The following ZNF562 variants were observed in gnomAD, a reference collection of about 807,000 sequenced individuals.
The protein encoded by ZNF562 is zinc finger protein 562.
ZNF562 carries 13 observed loss-of-function variants against 17.5 expected under a neutral mutation model. The observed-to-expected ratio is 0.74, with a 90% CI of 0.48 to 1.18. The LOEUF (loss-of-function observed/expected upper bound fraction) is 1.18, where lower values mean the gene tolerates loss of function less well. Among genes scored for constraint, ZNF562 ranks in the 50% most tolerant of loss-of-function variants. The pLI is 0.00. For missense variants in ZNF562, 481 were observed against 498.5 expected (o/e 0.96, Z 0.33); for synonymous variants, 163 against 165.4 (o/e 0.99, Z 0.11).
rs960870344 is a variant in ZNF562 at position 9,665,740 on chromosome 19, C to A, written c.-130-4866G>T. Among the ~76,000 whole-genome samples the A allele has an allele frequency of 2.0e-5, 3 of 151,996 alleles. No individual in the cohort carries two copies. In the East Asian group the frequency reaches 5.8e-4, roughly 29 times the overall value. ...TCTAGTGCTGAAAAGGAGGCGGTGA[C>A]CTAGGGAAATTTTAAAGAAAGGAAA... On this transcript the variant is annotated intron_variant, in intron 1 of 5. Transcript: ENST00000453372.
intron 3 of ZNF562, 80 bp downstream of exon 3, chr19:9,659,299 A>G (rs2043634685): frequency 7.8e-7 from 1 of 1,275,318 alleles, no homozygotes; most frequent in Non-Finnish European, 1.1e-6. Context: ...AACTCTGGAG[A>G]TGAGTCTGTC....
chr19:9,672,102 G>A (rs1053636809), intron 1 of ZNF562, among the ~76,000 whole-genome samples: 8 of 152,192 alleles, frequency 5.3e-5, no homozygotes, highest in Admixed American at 3.9e-4. Context: ...AAGAGAATGA[G>A]TGTGACTCTC....
rs1405053305 is a variant in ZNF562, at chr19:9,660,704, A to C, written c.25+16T>G. The C allele has an allele frequency of 6.2e-7, 1 of 1,612,068 alleles. No individual in the cohort carries two copies. Among genetic ancestry groups the C allele is most frequent in the Admixed American group, 1.7e-5 (1 of 59,874 alleles). On this transcript the variant is annotated intron_variant, in intron 2 of 5. Coordinates refer to ENST00000453372, the MANE Select transcript of ZNF562 (RefSeq NM_001130031.2). ...TAAAGCAGAATCTCTGAAAAAGAGC[A>C]TCAACAAGGACTTACCATGGGACAT...
Position 9,653,617 on chromosome 19 carries a change from T to C in ZNF562, c.613A>G (p.Lys205Glu). 6.2e-7 allele frequency: 1 copy of C among 1,614,116 alleles called. No homozygotes were observed. The highest frequency in any genetic ancestry group is 2.2e-5 in the East Asian group (1 of 44,870). Residue 205 changes from lysine (K) to glutamate (E), a missense_variant, in exon 6 of 6, where the codon AAA becomes GAA. Physicochemically the swap from Lys to Glu is moderately conservative, Grantham distance 56 (BLOSUM62 1). Transcript: ENST00000453372. ...AAGCCTTTTCCACATTCCTTACATT[T>C]GTAGGGTTGTCTTCCATTGAGAATT... Reference protein sequence around the residue: ...LEILNGRQPYKCKECGKGFKY... With the variant: ...LEILNGRQPYECKECGKGFKY...
At position 9,653,244 on chromosome 19, in the gene ZNF562, G is replaced by T; in HGVS notation, c.986C>A (p.Thr329Asn). Residue 329 changes from threonine (T) to asparagine (N), a missense_variant, in exon 6 of 6, where the codon ACT becomes AAT. This residue lies in a region of ZNF562 where 403 missense variants were observed against 386.4 expected (regional missense o/e 1.04). Transcript: ENST00000453372. ...AGTTCTTACATGTTGAGTAAGGTGA[G>T]TTGATCTAGTGAAGGCTTTCCCACA... Reference protein sequence around the residue: ...TECGKAFTRSTHLTQHVRTHT... With the variant: ...TECGKAFTRSNHLTQHVRTHT... 4.3e-6 allele frequency: 7 copies of T among 1,614,198 alleles called. No homozygotes were observed. The highest frequency in any genetic ancestry group is 5.9e-6 in the Non-Finnish European group (7 of 1,180,030).
chr19:9,656,766 C>T lies in ZNF562; in HGVS notation c.242-113G>A, dbSNP rs1250392419. On this transcript the variant is annotated intron_variant, in intron 4 of 5. Coordinates refer to ENST00000453372, the MANE Select transcript of ZNF562 (RefSeq NM_001130031.2). Reference sequence around the variant, plus strand: ...CAGGCCAGGCACGGTGACTCAGGCCCGTAATCCCAGGACTTTGGGAGGCTG... The same window carrying T: ...CAGGCCAGGCACGGTGACTCAGGCCTGTAATCCCAGGACTTTGGGAGGCTG... The T allele has an allele frequency of 2.3e-5, 23 of 1,020,594 alleles. 1 individual carries two copies. Among genetic ancestry groups the T allele is most frequent in the African/African-American group, 1.5e-4 (9 of 60,734 alleles). 63.2% of individuals were successfully genotyped at this position (1,020,594 alleles called of 1,614,324 possible).
At chr19:9,661,577 C>T (rs56061743) in intron 1 of ZNF562, among the ~76,000 whole-genome samples, 16,297 of 146,112 alleles carry the variant, frequency 0.11, 1,259 homozygotes, top group African/African-American at 0.23. Context: ...AGGTGGATCA[C>T]GAGGTCAGGA....
At chr19:9,668,601 T>C (rs983680295) in intron 1 of ZNF562, among the ~76,000 whole-genome samples, 2 of 151,216 alleles carry the variant, frequency 1.3e-5, no homozygotes, top group African/African-American at 4.9e-5. Context: ...ATCGCAAAAA[T>C]AGAAAAAAAA....
At chr19:9,664,716 G>A (rs192129512) in intron 1 of ZNF562, among the ~76,000 whole-genome samples, 32 of 152,288 alleles carry the variant, frequency 2.1e-4, no homozygotes, top group Admixed American at 1.0e-3. Flanking sequence ...GATGCAGGTG[G>A]ATCACCTGAG....
chr19:9,648,986 C>T lies in ZNF562; in HGVS notation c.*3963G>A, dbSNP rs914953537. 2.0e-5 allele frequency: 3 copies of T among 152,114 alleles called. No individual in the cohort carries two copies. The highest frequency in any genetic ancestry group is 7.2e-5 in the African/African-American group (3 of 41,430). The allele number at this position is 152,114 out of a possible 1,614,324, so 9.4% of individuals were successfully genotyped here. A position where few individuals can be genotyped will look rare whatever the true frequency, so the allele number is the denominator to read the frequency against. ...ACTGGATATAAAGAAAAAACTTTTC[C>T]TGCAGGACATTGTTGCAGGAAGTCA... On this transcript the variant is annotated 3_prime_UTR_variant, in exon 6 of 6. Transcript: ENST00000453372.
chr19:9,653,313 T>G lies in ZNF562; in HGVS notation c.917A>C (p.His306Pro). 2 of 1,614,218 alleles carry G rather than the reference T, an allele frequency of 1.2e-6. No homozygotes were observed. Among genetic ancestry groups the G allele is most frequent in the Non-Finnish European group, 1.7e-6 (2 of 1,180,036 alleles). ...TTTTATTCCAGTGTGAATTTGAATG[T>G]GAACATTAAAGGATGAGGAATTTCT... ...SFRNSSSFNV[H>P]IQIHTGIKPH... The change falls in exon 6 of 6, where the codon CAC becomes CCC. Residue 306 changes from histidine to proline, a missense_variant. His to Pro is a moderately conservative substitution (Grantham distance 77). This residue lies in a region of ZNF562 where 403 missense variants were observed against 386.4 expected (regional missense o/e 1.04). Transcript: ENST00000453372.
At chr19:9,673,185 T>C (rs2044263313) in intron 1 of ZNF562, among the ~76,000 whole-genome samples, 1 of 152,026 alleles carries the variant, frequency 6.6e-6, no homozygotes, top group African/African-American at 2.4e-5. Flanking sequence ...TATTCACAGA[T>C]AGCCAATAGG....
At chr19:9,664,796 C>T (rs911533743) in intron 1 of ZNF562, among the ~76,000 whole-genome samples, 14 of 151,734 alleles carry the variant, frequency 9.2e-5, no homozygotes, top group African/African-American at 2.4e-4. Flanking sequence ...GAGGCCAAGG[C>T]GGGTGGATCA....
At chr19:9,665,812 C>G (rs2043935078) in intron 1 of ZNF562, among the ~76,000 whole-genome samples, 1 of 151,954 alleles carries the variant, frequency 6.6e-6, no homozygotes, top group South Asian at 2.1e-4. Flanking sequence ...CTCAGGAGTT[C>G]AAGACCTGCC....
intron 1 of ZNF562, among the ~76,000 whole-genome samples, chr19:9,673,156 C>T (rs929349058): frequency 1.3e-5 from 2 of 152,088 alleles, no homozygotes; most frequent in East Asian, 1.9e-4. Context: ...TCCCCCTACC[C>T]TTCCTTATTT....
chr19:9,657,729 A>G (rs1395552634), intron 4 of ZNF562, among the ~76,000 whole-genome samples: 1 of 150,844 alleles, frequency 6.6e-6, no homozygotes, highest in Non-Finnish European at 1.5e-5. Context: ...TTGCATTTTT[A>G]GTAGAGACAG....
rs780170012 is a variant in ZNF562 at position 9,658,087 on chromosome 19, A to G, written c.163T>C (p.Trp55Arg). ...DVAVEFTPEEWALLDTTQKYL... is the reference protein window; with the variant it reads ...DVAVEFTPEERALLDTTQKYL... ...TTCTGAGTTGTGTCCAGTAAAGCCC[A>G]CTCCTCTGGGGTGAACTCCACAGCC... is the stretch of plus-strand genomic sequence containing the variant. The change falls in exon 4 of 6, where the codon TGG (tryptophan) becomes CGG (arginine). Residue 55 changes from tryptophan (W) to arginine (R), a missense_variant. Transcript: ENST00000453372. 1 of 1,613,682 alleles carries G rather than the reference A, an allele frequency of 6.2e-7. No homozygotes were observed. The highest frequency in any genetic ancestry group is 2.2e-5 in the East Asian group (1 of 44,854).
At chr19:9,670,261 A>G (rs2044136960) in intron 1 of ZNF562, among the ~76,000 whole-genome samples, 1 of 152,038 alleles carries the variant, frequency 6.6e-6, no homozygotes, top group Admixed American at 6.6e-5. Context: ...AAAACAAAAA[A>G]AACAGTATGG....
rs997333504 is a variant in ZNF562 at position 9,642,222 on chromosome 19, C to T, written c.*10727G>A. 2.6e-5 allele frequency: 4 copies of T among 151,020 alleles called. No homozygotes were observed. The highest frequency in any genetic ancestry group is 1.3e-4 in the Admixed American group (2 of 15,096). 9.4% of individuals were successfully genotyped at this position (151,020 alleles called of 1,614,324 possible). ...CGGGGGGATGTCACAATGGCTTGACCATGGTATGGCCAGCTCAGAGTACCT... is the reference window on the plus strand; with the variant it reads ...CGGGGGGATGTCACAATGGCTTGACTATGGTATGGCCAGCTCAGAGTACCT... On this transcript the variant is annotated 3_prime_UTR_variant, in exon 6 of 6. Coordinates refer to ENST00000453372, the MANE Select transcript of ZNF562 (RefSeq NM_001130031.2).
Sources: allele counts gnomAD v4.1 joint callset (sites outside exome capture counted in the v4.1 genomes callset), GRCh38; gene constraint gnomAD v4.1.1; regional missense constraint gnomAD v4.1.1; transcripts MANE v1.5; gene names NCBI Gene and HGNC (gene_info 2026-07-23, HGNC 2026-07-21).